KCNIP4: variants seen among roughly 807,000 people sequenced by gnomAD.
The protein encoded by KCNIP4 is potassium voltage-gated channel interacting protein 4.
In KCNIP4, 12 loss-of-function variants were observed where a neutral mutation model predicts 34.0. The observed-to-expected ratio is 0.35, with a 90% confidence interval of 0.23 to 0.57. The LOEUF is 0.57. KCNIP4 is among the 20% of genes least tolerant of loss of function. The probability of loss-of-function intolerance (pLI) is 0.83; values close to 1 mark genes in which losing one functional copy is unlikely to be tolerated. For synonymous variants in KCNIP4, 124 were observed against 102.2 expected (o/e 1.21, Z -1.29); for missense variants, 238 against 311.7 (o/e 0.76, Z 1.78).
chr4:21,798,396 A>C lies in KCNIP4; in HGVS notation c.61+150175T>G, dbSNP rs543818909. Among the ~76,000 whole-genome samples the C allele has an allele frequency of 9.6e-3, 444 of 46,402 alleles. 2 individuals are homozygous for C. Among genetic ancestry groups the C allele is most frequent in the African/African-American group, 0.024 (391 of 16,464 alleles). 30.4% of individuals were successfully genotyped at this position (46,402 alleles called of 152,430 possible). On this transcript the variant is annotated intron_variant, in intron 1 of 8. Coordinates refer to ENST00000382152, the MANE Select transcript of KCNIP4 (RefSeq NM_025221.6). ...GCGGAACCCCGTTTCCACACACACA[A>C]AAAAATACATATATATATATATATA...
At chr4:21,220,356 G>C (rs1757898246) in intron 1 of KCNIP4, among the ~76,000 whole-genome samples, 1 of 152,088 alleles carries the variant, frequency 6.6e-6, no homozygotes, top group Admixed American at 6.6e-5. Flanking sequence ...CGAGGTTCAG[G>C]AATTCTATTA....
intron 1 of KCNIP4, among the ~76,000 whole-genome samples, chr4:21,596,403 T>C (rs1296096029): frequency 6.6e-6 from 1 of 152,080 alleles, no homozygotes; most frequent in African/African-American, 2.4e-5. Context: ...AATGGTAAAA[T>C]CTGTTAACAC....
chr4:21,805,056 T>C (rs1018861931), intron 1 of KCNIP4, among the ~76,000 whole-genome samples: 1 of 152,206 alleles, frequency 6.6e-6, no homozygotes, highest in African/African-American at 2.4e-5. Flanking sequence ...TCACTCTCAT[T>C]GCAGAACAGA....
intron 1 of KCNIP4, among the ~76,000 whole-genome samples, chr4:21,245,724 G>C (rs894574935): frequency 6.6e-6 from 1 of 152,042 alleles, no homozygotes; most frequent in Non-Finnish European, 1.5e-5. Context: ...GTATCTGGGG[G>C]AAGCACGTGG....
chr4:21,556,934 A>AAAAAAAAAAAAACAAAAC (rs1739107567), intron 1 of KCNIP4, among the ~76,000 whole-genome samples: 1 of 149,782 alleles, frequency 6.7e-6, no homozygotes, highest in African/African-American at 2.5e-5. Context: ...AAAAAAAAAA[A>AAAAAAAAAAAAACAAAAC]AAAAAAAAAC....
Position 20,980,869 on chromosome 4 carries a change from G to A in KCNIP4, c.62-98160C>T, listed in dbSNP as rs145264789. On this transcript the variant is annotated intron_variant, in intron 1 of 8. Transcript: ENST00000382152. ...TTGTGGGTCATATTTTCTAGGTGGTGCAATCTTAGTGAAGAGTTTAGCAAT... is the reference window on the plus strand; with the variant it reads ...TTGTGGGTCATATTTTCTAGGTGGTACAATCTTAGTGAAGAGTTTAGCAAT... Among the ~76,000 whole-genome samples the A allele has an allele frequency of 3.1e-3, 466 of 151,876 alleles. 3 individuals are homozygous for A. The highest frequency in any genetic ancestry group is 0.011 in the African/African-American group (435 of 41,414).
chr4:21,722,126 T>C (rs1410462274), intron 1 of KCNIP4, among the ~76,000 whole-genome samples: 1 of 152,184 alleles, frequency 6.6e-6, no homozygotes, highest in Non-Finnish European at 1.5e-5. Context: ...TATTCAGTCT[T>C]TCACCAGTAC....
intron 1 of KCNIP4, among the ~76,000 whole-genome samples, chr4:21,097,361 A>G (rs552199642): frequency 6.2e-4 from 95 of 152,274 alleles, no homozygotes; most frequent in Admixed American, 2.2e-3. Context: ...ACATACAAAG[A>G]TATCATTTTT....
intron 1 of KCNIP4, among the ~76,000 whole-genome samples, chr4:21,659,230 T>C (rs1748232199): frequency 2.0e-5 from 3 of 152,202 alleles, no homozygotes; most frequent in Admixed American, 2.0e-4. Context: ...TTATCTTATA[T>C]ATTTTGATTA....
chr4:21,392,688 A>T (rs1722667862), intron 1 of KCNIP4, among the ~76,000 whole-genome samples: 1 of 152,222 alleles, frequency 6.6e-6, no homozygotes, highest in Admixed American at 6.5e-5. Flanking sequence ...TATTTAGCCA[A>T]ACAATCTAAT....
At chr4:21,360,079 T>C (rs1719058405) in intron 1 of KCNIP4, among the ~76,000 whole-genome samples, 1 of 152,092 alleles carries the variant, frequency 6.6e-6, no homozygotes, top group Non-Finnish European at 1.5e-5. Context: ...CTACTGTGCG[T>C]GTAACTCCTG....
At chr4:21,023,015 G>A (rs1316183026) in intron 1 of KCNIP4, among the ~76,000 whole-genome samples, 1 of 152,112 alleles carries the variant, frequency 6.6e-6, no homozygotes, top group African/African-American at 2.4e-5. Context: ...TAGAGACAGG[G>A]TTTCACCATG....
chr4:20,975,924 T>TTG (rs1735446189), intron 1 of KCNIP4, among the ~76,000 whole-genome samples: 2 of 152,208 alleles, frequency 1.3e-5, no homozygotes, highest in Non-Finnish European at 2.9e-5. Context: ...CAATGTTTTA[T>TTG]TAGAACATGG....
chr4:21,279,759 C>T (rs553993516), intron 1 of KCNIP4, among the ~76,000 whole-genome samples: 3 of 152,078 alleles, frequency 2.0e-5, no homozygotes, highest in East Asian at 1.9e-4. Context: ...GGCTAAGTCA[C>T]GTACTATAAT....
At chr4:20,916,694 C>G (rs1046386725) in intron 1 of KCNIP4, among the ~76,000 whole-genome samples, 2 of 151,798 alleles carry the variant, frequency 1.3e-5, no homozygotes, top group African/African-American at 4.8e-5. Context: ...TTTTCCCTCC[C>G]CCGGGCAGTT....
chr4:21,380,458 G>GAGGGGGA (rs1560347883), intron 1 of KCNIP4, among the ~76,000 whole-genome samples: 14 of 88,616 alleles, frequency 1.6e-4, no homozygotes, highest in Admixed American at 3.3e-4. Flanking sequence ...AGGGAGAGGG[G>GAGGGGGA]GAGAGAGAGA....
At chr4:20,929,427 T>G (rs1730219177) in intron 1 of KCNIP4, among the ~76,000 whole-genome samples, 2 of 151,988 alleles carry the variant, frequency 1.3e-5, no homozygotes, top group South Asian at 4.1e-4. Flanking sequence ...ACAGCTAACA[T>G]AATAATCAGT....
intron 1 of KCNIP4, among the ~76,000 whole-genome samples, chr4:20,939,013 T>C (rs1465389944): frequency 6.6e-6 from 1 of 152,226 alleles, no homozygotes; most frequent in African/African-American, 2.4e-5. Context: ...TACACATATC[T>C]ATGATCACCT....
chr4:21,318,970 A>G (rs948295880), intron 1 of KCNIP4, among the ~76,000 whole-genome samples: 2 of 152,220 alleles, frequency 1.3e-5, no homozygotes, highest in African/African-American at 4.8e-5. Flanking sequence ...GAATTTTACT[A>G]AATTGATAAT....
Sources: allele counts gnomAD v4.1 joint callset (sites outside exome capture counted in the v4.1 genomes callset), GRCh38; gene constraint gnomAD v4.1.1; transcripts MANE v1.5; gene names NCBI Gene and HGNC (gene_info 2026-07-23, HGNC 2026-07-21).